The following TRPC4 variants were observed in gnomAD, a reference collection of about 807,000 sequenced individuals.
TRPC4 encodes the protein transient receptor potential cation channel subfamily C member 4, also known as short transient receptor potential channel 4.
A neutral mutation model predicts 99.4 loss-of-function variants in TRPC4; 49 were observed. The observed-to-expected ratio is 0.49, with a 90% CI of 0.39 to 0.63. The LOEUF (loss-of-function observed/expected upper bound fraction) is 0.63. Among genes scored for constraint, TRPC4 ranks in the 20% least tolerant of loss-of-function variants. TRPC4 has a pLI of 0.00. For synonymous variants in TRPC4, 454 were observed against 425.9 expected, an observed-to-expected ratio of 1.07 and a Z score of -0.81; for missense variants, 898 against 1,152.9, an observed-to-expected ratio of 0.78 and a Z score of 3.20.
chr13:37,648,958 A>G (rs536116686), intron 8 of TRPC4, among the ~76,000 whole-genome samples: 3 of 151,990 alleles, frequency 2.0e-5, no homozygotes, highest in South Asian at 4.2e-4. Flanking sequence ...TCTCTCTGCC[A>G]TTGCCTAAAA....
intron 2 of TRPC4, among the ~76,000 whole-genome samples, chr13:37,780,289 T>A (rs1344479641): frequency 1.3e-5 from 2 of 152,164 alleles, no homozygotes; most frequent in African/African-American, 2.4e-5. Flanking sequence ...CTACTAAGTG[T>A]TCTAAAAATC....
chr13:37,750,658 T>C (rs1185317151), intron 2 of TRPC4, among the ~76,000 whole-genome samples: 1 of 152,068 alleles, frequency 6.6e-6, no homozygotes, highest in Non-Finnish European at 1.5e-5. Context: ...TTAAAAAAAT[T>C]ATTATTGTAC....
intron 4 of TRPC4, among the ~76,000 whole-genome samples, chr13:37,690,316 C>A (rs1953639793): frequency 6.6e-6 from 1 of 152,064 alleles, no homozygotes; most frequent in Non-Finnish European, 1.5e-5. Flanking sequence ...AATTTTTCTT[C>A]TTTTCTTTCA....
At chr13:37,723,159 T>C in intron 3 of TRPC4, among the ~76,000 whole-genome samples, 1 of 152,102 alleles carries the variant, frequency 6.6e-6, no homozygotes, top group Non-Finnish European at 1.5e-5. Flanking sequence ...AATCTTGTCC[T>C]TAGGGAGGCC....
intron 3 of TRPC4, among the ~76,000 whole-genome samples, chr13:37,716,423 T>C (rs1954669111): frequency 6.6e-6 from 1 of 152,334 alleles, no homozygotes; most frequent in East Asian, 1.9e-4. Flanking sequence ...TACCAACTGT[T>C]CATTAGCAAA....
At position 37,683,009 on chromosome 13, in the gene TRPC4, C is replaced by T. The variant is rs1429402369; in HGVS notation, c.1235-8642G>A. ...TGAACTCCTGGCATCAAGCAATCTC[C>T]CCACCTTGGCCTTCCAAGGAGGGAG... is the stretch of plus-strand genomic sequence containing the variant. On this transcript the variant is annotated intron_variant, in intron 4 of 10. Transcript: ENST00000379705. Among the ~76,000 whole-genome samples the T allele has an allele frequency of 7.3e-5, 11 of 151,566 alleles. No individual in the cohort carries two copies. In the South Asian group the frequency reaches 2.1e-3, roughly 29 times the overall value.
intron 2 of TRPC4, among the ~76,000 whole-genome samples, chr13:37,757,503 T>C (rs1041026997): frequency 1.3e-5 from 2 of 152,046 alleles, no homozygotes; most frequent in Non-Finnish European, 2.9e-5. Flanking sequence ...GAGAAGTAAT[T>C]GGAAAATTCG....
At chr13:37,650,926 T>C (rs1338803163) in intron 8 of TRPC4, among the ~76,000 whole-genome samples, 6 of 152,134 alleles carry the variant, frequency 3.9e-5, no homozygotes, top group African/African-American at 1.4e-4. Context: ...ATGCCACAAA[T>C]AACCTGCTGT....
At chr13:37,730,014 A>G (rs910712522) in intron 3 of TRPC4, among the ~76,000 whole-genome samples, 1 of 152,110 alleles carries the variant, frequency 6.6e-6, no homozygotes, top group Non-Finnish European at 1.5e-5. Flanking sequence ...GAAAAATTAA[A>G]AACAGAACAA....
At chr13:37,862,388 A>ATTATG (rs1354044759) in intron 1 of TRPC4, among the ~76,000 whole-genome samples, 23 of 151,598 alleles carry the variant, frequency 1.5e-4, no homozygotes, top group Non-Finnish European at 3.0e-4. Flanking sequence ...ATAAAAGGAA[A>ATTATG]ACACTGTTTT....
chr13:37,774,455 CTT>C (rs1212274369), intron 2 of TRPC4, among the ~76,000 whole-genome samples: 8 of 151,724 alleles, frequency 5.3e-5, no homozygotes, highest in Non-Finnish European at 1.0e-4. Flanking sequence ...TAAGAACACT[CTT>C]TTTAGGTGCT....
chr13:37,637,103 T>TA lies in TRPC4; in HGVS notation c.2733dup (p.Arg912Ter). ...CCCAGTGTGTCCGTATTCCTTTCTCTATGGTCTACTAACACACATTGTTCA... is the reference window on the plus strand; with the variant it reads ...CCCAGTGTGTCCGTATTCCTTTCTCTAATGGTCTACTAACACACATTGTTCA... On this transcript the variant is annotated frameshift_variant, in exon 11 of 11. Transcript: ENST00000379705. LOFTEE classifies it high-confidence loss of function. The TA allele has an allele frequency of 6.2e-7, 1 of 1,613,752 alleles. No individual in the cohort carries two copies. Among genetic ancestry groups the TA allele is most frequent in the South Asian group, 1.1e-5 (1 of 91,070 alleles).
At chr13:37,709,318 A>G (rs1185756485) in intron 3 of TRPC4, among the ~76,000 whole-genome samples, 1 of 152,072 alleles carries the variant, frequency 6.6e-6, no homozygotes, top group Non-Finnish European at 1.5e-5. Flanking sequence ...AAGAAAATCC[A>G]AAACATCATG....
chr13:37,729,315 A>G lies in TRPC4; in HGVS notation c.897+16622T>C, dbSNP rs141534069. Among the ~76,000 whole-genome samples, 729 of 152,256 alleles carry G rather than the reference A, an allele frequency of 4.8e-3. 12 individuals carry two copies. Among genetic ancestry groups the G allele is most frequent in the Middle Eastern group, 0.024 (7 of 294 alleles). On this transcript the variant is annotated intron_variant, in intron 3 of 10. Transcript: ENST00000379705. ...ACTCGTTAGGATGGCCACTGTTTAC[A>G]AAAACAGATGATAACAATTGTAGGT...
chr13:37,722,018 A>G (rs917667317), intron 3 of TRPC4, among the ~76,000 whole-genome samples: 1 of 152,204 alleles, frequency 6.6e-6, no homozygotes, highest in African/African-American at 2.4e-5. Flanking sequence ...GATATTGTAG[A>G]AGATTATGGA....
chr13:37,860,263 T>C (rs559416441), intron 1 of TRPC4, among the ~76,000 whole-genome samples: 1 of 151,564 alleles, frequency 6.6e-6, no homozygotes, highest in South Asian at 2.1e-4. Flanking sequence ...TTGAAAATAT[T>C]CATATGGTGA....
chr13:37,795,463 T>C (rs1213372736), intron 1 of TRPC4, among the ~76,000 whole-genome samples: 1 of 152,120 alleles, frequency 6.6e-6, no homozygotes, highest in African/African-American at 2.4e-5. Context: ...ACATGAGCAA[T>C]GTTTTTGGAG....
rs189934556 is a variant in TRPC4, at chr13:37,845,591, C to G, written c.-28+24004G>C. Among the ~76,000 whole-genome samples, 471 of 151,554 alleles carry G rather than the reference C, an allele frequency of 3.1e-3. 3 individuals are homozygous for G. Among genetic ancestry groups the G allele is most frequent in the African/African-American group, 0.011 (450 of 41,314 alleles). On this transcript the variant is annotated intron_variant, in intron 1 of 10. Transcript: ENST00000379705. Reference sequence around the variant, plus strand: ...GAGCTCAGAGGACATTTGAAATTATCCAATCGATCAGAGGAGCAAAAATAA... The same window carrying G: ...GAGCTCAGAGGACATTTGAAATTATGCAATCGATCAGAGGAGCAAAAATAA...
intron 8 of TRPC4, among the ~76,000 whole-genome samples, chr13:37,648,853 A>G (rs969393279): frequency 6.6e-6 from 1 of 152,206 alleles, no homozygotes. Context: ...CTGGTTCTCC[A>G]TTCTTTTTGT....
Sources: gnomAD v4.1 joint callset for allele counts (sites outside exome capture counted in the v4.1 genomes callset) on GRCh38, gnomAD v4.1.1 for gene constraint, MANE v1.5 for transcripts, NCBI Gene and HGNC (gene_info 2026-07-23, HGNC 2026-07-21) for gene names.